TMEM232: variants seen among roughly 807,000 people sequenced by gnomAD.
The protein encoded by TMEM232 is transmembrane protein 232.
Under a neutral mutation model 78.8 loss-of-function variants are expected in TMEM232, and 80 were observed. That is an observed-to-expected ratio of 1.01 (90% CI 0.85 to 1.22). The LOEUF (loss-of-function observed/expected upper bound fraction) is 1.22. Among genes scored for constraint, TMEM232 ranks in the 50% most tolerant of loss-of-function variants. The pLI, the probability that TMEM232 is intolerant of heterozygous loss-of-function variation, is 0.00. For synonymous variants in TMEM232, 297 were observed against 254.3 expected, an observed-to-expected ratio of 1.17 and a Z score of -1.60; for missense variants, 881 against 742.2, an observed-to-expected ratio of 1.19 and a Z score of -2.17.
chr5:110,499,412 T>C (rs1163948472), intron 12 of TMEM232, among the ~76,000 whole-genome samples: 1 of 152,066 alleles, frequency 6.6e-6, no homozygotes, highest in Non-Finnish European at 1.5e-5. Flanking sequence ...CAACCATGCC[T>C]GGCTAATCTT....
At chr5:110,607,815 C>T (rs1781700789) in intron 8 of TMEM232, among the ~76,000 whole-genome samples, 1 of 151,776 alleles carries the variant, frequency 6.6e-6, no homozygotes, top group Non-Finnish European at 1.5e-5. Flanking sequence ...CTTTGCGCAT[C>T]CTCTTCCTCC....
intron 12 of TMEM232, among the ~76,000 whole-genome samples, chr5:110,470,936 A>G (rs771218351): frequency 2.0e-5 from 3 of 152,200 alleles, no homozygotes; most frequent in African/African-American, 7.2e-5. Context: ...ATTCAAAATA[A>G]TGACCTTAAG....
intron 12 of TMEM232, among the ~76,000 whole-genome samples, chr5:110,472,258 A>G (rs1282221097): frequency 6.6e-6 from 1 of 152,082 alleles, no homozygotes. Context: ...ATGATGAACT[A>G]TCTGAAAAAG....
intron 11 of TMEM232, among the ~76,000 whole-genome samples, chr5:110,536,380 A>T (rs1427904507): frequency 2.6e-5 from 4 of 152,238 alleles, no homozygotes; most frequent in Non-Finnish European, 1.5e-5. Context: ...TGTTGCCTGA[A>T]GGCCAAGGAG....
Position 110,664,114 on chromosome 5 carries a change from T to C in TMEM232, c.125+3114A>G, listed in dbSNP as rs187603732. ...ACGATTGTGCCACTGCACTCCAGCC[T>C]GGGAGATAGAGAAAGACCCTGTCTG... is the stretch of plus-strand genomic sequence containing the variant. On this transcript the variant is annotated intron_variant, in intron 2 of 13. Transcript: ENST00000455884. Among the ~76,000 whole-genome samples the C allele has an allele frequency of 2.0e-3, 310 of 152,110 alleles. 1 individual carries two copies. Among genetic ancestry groups the C allele is most frequent in the Non-Finnish European group, 3.7e-3 (250 of 67,996 alleles).
chr5:110,588,042 A>G lies in TMEM232; in HGVS notation c.1276+17067T>C, dbSNP rs569707859. ...TTTCTTGAATAACCTTCACCAAGGT[A>G]AGAGATATATGAAAGATCTAATAGA... On this transcript the variant is annotated intron_variant, in intron 10 of 13. Transcript: ENST00000455884. Among the ~76,000 whole-genome samples the G allele has an allele frequency of 9.2e-5, 14 of 152,158 alleles. No individual in the cohort carries two copies. In the East Asian group the frequency reaches 2.3e-3, roughly 25 times the overall value.
At chr5:110,433,545 A>T (rs1758085803) in intron 12 of TMEM232, among the ~76,000 whole-genome samples, 1 of 151,782 alleles carries the variant, frequency 6.6e-6, no homozygotes, top group African/African-American at 2.4e-5. Context: ...CTAACCTCAT[A>T]CCTATAAGAA....
chr5:110,618,324 C>T, intron 8 of TMEM232, 105 bp downstream of exon 8: 1 of 1,389,994 alleles, frequency 7.2e-7, no homozygotes, highest in Non-Finnish European at 9.7e-7. Flanking sequence ...AAATTTGTTT[C>T]ATAGTCAACT....
chr5:110,704,526 G>C (rs1230575265), intron 1 of TMEM232, among the ~76,000 whole-genome samples: 3 of 151,954 alleles, frequency 2.0e-5, no homozygotes, highest in Non-Finnish European at 4.4e-5. Context: ...TTGTATTTTT[G>C]TTATGATGAC....
At chr5:110,561,136 T>G (rs1775688493) in intron 11 of TMEM232, among the ~76,000 whole-genome samples, 1 of 152,096 alleles carries the variant, frequency 6.6e-6, no homozygotes, top group Admixed American at 6.6e-5. Context: ...TTATTAATAT[T>G]CATTTTTTGC....
At chr5:110,727,893 A>G (rs1049214087), upstream of TMEM232, among the ~76,000 whole-genome samples, 1 of 152,204 alleles carries the variant, frequency 6.6e-6, no homozygotes, top group African/African-American at 2.4e-5. Flanking sequence ...AAATCCTAGA[A>G]TATCAACAGT....
chr5:110,544,092 T>TAACATAAAATGTAAATTAAA (rs1449169488), intron 11 of TMEM232, among the ~76,000 whole-genome samples: 1 of 152,170 alleles, frequency 6.6e-6, no homozygotes, highest in Non-Finnish European at 1.5e-5. Context: ...TTTAACCATT[T>TAACATAAAATGTAAATTAAA]ATTTACATTT....
intron 12 of TMEM232, among the ~76,000 whole-genome samples, chr5:110,524,508 A>G (rs971784961): frequency 3.9e-5 from 6 of 152,282 alleles, no homozygotes; most frequent in East Asian, 1.9e-4. Context: ...TGATTGGAAG[A>G]TAAACTTGAT....
intron 7 of TMEM232, among the ~76,000 whole-genome samples, chr5:110,620,619 CTCTCTCTCTCTCT>C (rs1783547962): frequency 1.9e-4 from 24 of 128,178 alleles, no homozygotes; most frequent in African/African-American, 5.7e-4. Context: ...CTCTCTCTCT[CTCTCTCTCTCTCT>C]CTCTCTCCTC....
intron 8 of TMEM232, among the ~76,000 whole-genome samples, chr5:110,614,962 C>A (rs1162339212): frequency 6.6e-6 from 1 of 151,792 alleles, no homozygotes; most frequent in Non-Finnish European, 1.5e-5. Flanking sequence ...TATCTATTTG[C>A]ATTTTAGTTT....
At chr5:110,510,064 C>T (rs1172167915) in intron 12 of TMEM232, among the ~76,000 whole-genome samples, 1 of 152,102 alleles carries the variant, frequency 6.6e-6, no homozygotes, top group African/African-American at 2.4e-5. Context: ...TGACATTCCT[C>T]AAAATTCTAC....
intron 5 of TMEM232, among the ~76,000 whole-genome samples, chr5:110,632,316 A>T (rs1785230379): frequency 1.3e-5 from 2 of 152,008 alleles, no homozygotes; most frequent in South Asian, 4.1e-4. Flanking sequence ...CAGTTTACAC[A>T]GTTATCAACG....
At chr5:110,675,737 A>G (rs891197580) in intron 1 of TMEM232, among the ~76,000 whole-genome samples, 7 of 152,202 alleles carry the variant, frequency 4.6e-5, no homozygotes, top group African/African-American at 1.2e-4. Flanking sequence ...GATTACTACA[A>G]TCAGGCTAAT....
chr5:110,399,613 C>T (rs1755519274), intron 2 of TMEM232, among the ~76,000 whole-genome samples: 1 of 152,052 alleles, frequency 6.6e-6, no homozygotes, highest in Non-Finnish European at 1.5e-5. Flanking sequence ...GTGTCTGTCA[C>T]CCCTTACCCT....
Sources: allele counts gnomAD v4.1 joint callset (sites outside exome capture counted in the v4.1 genomes callset), GRCh38; gene constraint gnomAD v4.1.1; transcripts MANE v1.5; gene names NCBI Gene and HGNC (gene_info 2026-07-23, HGNC 2026-07-21).